SCN1A: variants seen among roughly 807,000 people sequenced by gnomAD.
SCN1A encodes sodium channel protein type 1 subunit alpha.
Under a neutral mutation model 193.7 loss-of-function variants are expected in SCN1A, and 13 were observed. The ratio of observed to expected loss-of-function variants is 0.07; its 90% confidence interval spans 0.04 to 0.11. SCN1A has a LOEUF of 0.11. Among genes scored for constraint, SCN1A ranks in the 10% least tolerant of loss-of-function variants. The probability of loss-of-function intolerance (pLI) is 1.00; values close to 1 mark genes in which losing one functional copy is unlikely to be tolerated. For synonymous variants in SCN1A, 781 were observed against 843.6 expected, an observed-to-expected ratio of 0.93 and a Z score of 1.29; for missense variants, 1,432 against 2,451.1, an observed-to-expected ratio of 0.58 and a Z score of 8.78.
At chr2:166,093,909 T>C (rs1471841112) in intron 2 of SCN1A, among the ~76,000 whole-genome samples, 1 of 152,196 alleles carries the variant, frequency 6.6e-6, no homozygotes, top group Non-Finnish European at 1.5e-5. Context: ...TGCTCTTGTT[T>C]TAAAACCAGA....
intron 19 of SCN1A, among the ~76,000 whole-genome samples, chr2:166,032,966 G>A (rs7606888): frequency 0.74 from 112,160 of 152,050 alleles, 41,761 homozygotes; most frequent in East Asian, 0.89. Flanking sequence ...GAGCCCTTCA[G>A]AATGGTTTTA....
intron 16 of SCN1A, 136 bp from the exon 17 acceptor site, chr2:166,039,732 TAGTTG>T (rs1696910031): frequency 3.9e-6 from 3 of 770,124 alleles, no homozygotes; most frequent in East Asian, 5.4e-5. Context: ...TGGCAATTTG[TAGTTG>T]ATGAAAGACT....
At chr2:166,092,531 T>G (rs1017691835) in intron 2 of SCN1A, 1 of 152,244 alleles carries the variant, frequency 6.6e-6, no homozygotes, top group African/African-American at 2.4e-5. Flanking sequence ...CTTTTGGGTT[T>G]ATTTTTAATT....
At chr2:166,087,186 G>A (rs1162118876) in intron 2 of SCN1A, among the ~76,000 whole-genome samples, 2 of 151,040 alleles carry the variant, frequency 1.3e-5, no homozygotes, top group Admixed American at 6.6e-5. Context: ...AAAAAGAGCA[G>A]CCTGGCACGG....
chr2:166,113,309 C>T (rs1036466573), intron 2 of SCN1A, among the ~76,000 whole-genome samples: 1 of 151,904 alleles, frequency 6.6e-6, no homozygotes, highest in Non-Finnish European at 1.5e-5. Flanking sequence ...AATTTAGAAT[C>T]TAAGTACTTA....
Position 166,051,813 on chromosome 2 carries a change from A to G in SCN1A, c.870T>C (p.His290=), listed in dbSNP as rs755274788. The change falls in exon 9 of 29, where the codon CAT becomes CAC. Residue 290 remains histidine, a synonymous_variant. Coordinates refer to ENST00000674923, the MANE Select transcript of SCN1A (RefSeq NM_001165963.4). ...TCACAGTTATATTCTTTTCTATACT[A>G]TGTTCCTCCAAGGAAGCATTGGTGG... The part of the protein sequence containing the change: ...WPPTNASLEE[H]SIEKNITVNY... 21 of 1,612,138 alleles carry G rather than the reference A, an allele frequency of 1.3e-5. No homozygotes were observed. Among genetic ancestry groups the G allele is most frequent in the East Asian group, 4.5e-5 (2 of 44,844 alleles).
At chr2:166,103,113 C>T (rs1276982218) in intron 2 of SCN1A, among the ~76,000 whole-genome samples, 1 of 151,838 alleles carries the variant, frequency 6.6e-6, no homozygotes, top group Non-Finnish European at 1.5e-5. Flanking sequence ...GAGGAGCAGA[C>T]AGTCTGTTAG....
chr2:166,090,297 C>G (rs1686658349), intron 2 of SCN1A, among the ~76,000 whole-genome samples: 1 of 151,928 alleles, frequency 6.6e-6, no homozygotes, highest in Non-Finnish European at 1.5e-5. Context: ...TCCCAAATTG[C>G]TGGGATGACA....
intron 10 of SCN1A, among the ~76,000 whole-genome samples, chr2:166,048,349 C>G (rs1316763377): frequency 1.3e-5 from 2 of 152,096 alleles, no homozygotes; most frequent in Non-Finnish European, 2.9e-5. Flanking sequence ...TCCTCTCCCT[C>G]TTCCCACCTT....
At chr2:166,146,068 A>T (rs1284413959) in intron 1 of SCN1A, among the ~76,000 whole-genome samples, 1 of 152,092 alleles carries the variant, frequency 6.6e-6, no homozygotes, top group African/African-American at 2.4e-5. Context: ...AGTCTCTGTT[A>T]AAAACTAGGG....
At position 166,073,830 on chromosome 2, in the gene SCN1A, G is replaced by T. The variant is rs1490219342; in HGVS notation, c.-49-160C>A. The T allele has an allele frequency of 1.2e-5, 7 of 598,358 alleles. No individual in the cohort carries two copies. In the South Asian group the frequency reaches 1.5e-4, roughly 13 times the overall value. 37.1% of individuals were successfully genotyped at this position (598,358 alleles called of 1,614,324 possible). ...AAAAATTTTAACACAAATGGTTTCT[G>T]TGTTGAGTTTAGTTAAGCATCACTT... is the stretch of plus-strand genomic sequence containing the variant. On this transcript the variant is annotated intron_variant, in intron 3 of 28. Coordinates refer to ENST00000674923, the MANE Select transcript of SCN1A (RefSeq NM_001165963.4).
intron 2 of SCN1A, among the ~76,000 whole-genome samples, chr2:166,122,295 A>G (rs1355583640): frequency 6.6e-6 from 1 of 152,238 alleles, no homozygotes; most frequent in Non-Finnish European, 1.5e-5. Context: ...AGCATGTGCA[A>G]TACAGTAAAT....
Position 166,039,596 on chromosome 2 carries a change from C to T in SCN1A, c.2416G>A (p.Val806Ile). The change falls in exon 17 of 29, where the codon GTT (valine) becomes ATT (isoleucine). Residue 806 changes from valine (V) to isoleucine (I), a missense_variant and splice_region_variant. Physicochemically the swap from Val to Ile is conservative, Grantham distance 29. Coordinates refer to ENST00000674923, the MANE Select transcript of SCN1A (RefSeq NM_001165963.4). ...FNNVLTVGNL[V>I]FTGIFTAEMF... Reference sequence around the variant, plus strand: ...TCTGCTGTAAAGATCCCAGTGAAAACCTAAGATCAAAACAAAATTAATCTA... The same window carrying T: ...TCTGCTGTAAAGATCCCAGTGAAAATCTAAGATCAAAACAAAATTAATCTA... 6.2e-7 allele frequency: 1 copy of T among 1,613,266 alleles called. No individual in the cohort carries two copies.
At chr2:166,042,565 A>T (rs551225035) in intron 14 of SCN1A, 141 bp from the exon 15 acceptor site, 2 of 799,144 alleles carry the variant, frequency 2.5e-6, no homozygotes, top group South Asian at 3.0e-5. Flanking sequence ...GATATTTCTG[A>T]CTTATTGTAT....
chr2:166,037,636 G>A, intron 18 of SCN1A, 140 bp downstream of exon 18: 2 of 783,366 alleles, frequency 2.6e-6, no homozygotes, highest in Non-Finnish European at 4.2e-6. Context: ...TGACAAAACA[G>A]TCACCATTAA....
In SCN1A at chr2:166,007,472, T is replaced by G. The variant is rs920922978; in HGVS notation, c.4002+2247A>C. ...GGTTAGGAAATTAAAAATACAAATT[T>G]AAACACAAATTTTATTTTACCCTAG... On this transcript the variant is annotated intron_variant, in intron 23 of 28. Transcript: ENST00000674923. Among the ~76,000 whole-genome samples, 9 of 151,302 alleles carry G rather than the reference T, an allele frequency of 5.9e-5. No homozygotes were observed. Among genetic ancestry groups the G allele is most frequent in the African/African-American group, 2.2e-4 (9 of 41,338 alleles).
At chr2:166,032,529 G>A (rs947053277) in intron 19 of SCN1A, among the ~76,000 whole-genome samples, 23 of 152,190 alleles carry the variant, frequency 1.5e-4, no homozygotes, top group African/African-American at 5.3e-4. Context: ...ATGAAGCAAT[G>A]AGGGCAAACA....
At chr2:166,103,343 C>T (rs1054405725) in intron 2 of SCN1A, among the ~76,000 whole-genome samples, 2 of 151,750 alleles carry the variant, frequency 1.3e-5, no homozygotes, top group African/African-American at 4.8e-5. Context: ...CCCAGCTACT[C>T]GGGAGACTGA....
chr2:165,994,739 A>C (rs2105452357), intron 27 of SCN1A, among the ~76,000 whole-genome samples: 2 of 152,034 alleles, frequency 1.3e-5, no homozygotes, highest in African/African-American at 2.4e-5. Context: ...TCAACATTTT[A>C]AGATTATGAA....
Sources: gnomAD v4.1 joint callset for allele counts (sites outside exome capture counted in the v4.1 genomes callset) on GRCh38, gnomAD v4.1.1 for gene constraint, MANE v1.5 for transcripts, NCBI Gene and HGNC (gene_info 2026-07-23, HGNC 2026-07-21) for gene names.